The following CSMD1 variants were observed in gnomAD, a reference collection of about 807,000 sequenced individuals.
CSMD1 encodes the protein CUB and Sushi multiple domains 1, also known as CUB and sushi domain-containing protein 1.
CSMD1 carries 213 observed loss-of-function variants against 417.5 expected under a neutral mutation model. That is an observed-to-expected ratio of 0.51 (90% confidence interval 0.46 to 0.57). The LOEUF is 0.57. Among genes scored for constraint, CSMD1 ranks in the 20% least tolerant of loss-of-function variants. The probability of loss-of-function intolerance (pLI) is 0.00; values close to 1 mark genes in which losing one functional copy is unlikely to be tolerated. For synonymous variants in CSMD1, 2,862 were observed against 1,736.8 expected (o/e 1.65, Z -16.11); for missense variants, 6,923 against 4,529.7 (o/e 1.53, Z -15.17).
intron 3 of CSMD1, among the ~76,000 whole-genome samples, chr8:4,036,959 GTGTGTGT>G (rs1563347437): frequency 0.011 from 106 of 9,814 alleles, no homozygotes; most frequent in East Asian, 0.017. Flanking sequence ...AGTGTGGGGT[GTGTGTGT>G]GTGTGTGTGT....
At position 3,922,438 on chromosome 8, in the gene CSMD1, T is replaced by C. The variant is rs116368031; in HGVS notation, c.818+75465A>G. Reference sequence around the variant, plus strand: ...TTATTAAACTTCTTGGACTGTTTCATCATTAATATATTCTGTTCTGTTTCT... The same window carrying C: ...TTATTAAACTTCTTGGACTGTTTCACCATTAATATATTCTGTTCTGTTTCT... On this transcript the variant is annotated intron_variant, in intron 5 of 69. Transcript: ENST00000635120. 3.8e-3 allele frequency among the ~76,000 whole-genome samples: 579 copies of C among 152,246 alleles called. 4 individuals are homozygous for C. Among genetic ancestry groups the C allele is most frequent in the African/African-American group, 0.013 (537 of 41,588 alleles).
chr8:3,970,923 G>A (rs1000977553), intron 5 of CSMD1, among the ~76,000 whole-genome samples: 9 of 151,998 alleles, frequency 5.9e-5, no homozygotes, highest in African/African-American at 2.2e-4. Context: ...CGCTAATTTT[G>A]TATTTTTAGT....
chr8:4,125,419 C>T (rs1647332), intron 3 of CSMD1, among the ~76,000 whole-genome samples: 150,712 of 152,318 alleles, frequency 0.99, 74,585 homozygotes, highest in East Asian at 1. Flanking sequence ...GAAACCAATG[C>T]ACATCTTTCA....
At chr8:3,999,416 G>A (rs200552012) in intron 4 of CSMD1, among the ~76,000 whole-genome samples, 2 of 152,118 alleles carry the variant, frequency 1.3e-5, no homozygotes, top group Non-Finnish European at 2.9e-5. Flanking sequence ...TTCCCAAGTT[G>A]CAAGTTCCAA....
At chr8:4,688,023 T>A (rs1176651542) in intron 1 of CSMD1, among the ~76,000 whole-genome samples, 1 of 152,200 alleles carries the variant, frequency 6.6e-6, no homozygotes, top group Non-Finnish European at 1.5e-5. Context: ...ACCTACACTG[T>A]TCCATTTTTA....
chr8:4,642,371 C>T (rs1803247140), intron 1 of CSMD1, among the ~76,000 whole-genome samples: 1 of 152,194 alleles, frequency 6.6e-6, no homozygotes, highest in African/African-American at 2.4e-5. Context: ...GAACTAACCC[C>T]TCCACTCTGA....
At chr8:4,771,560 C>T (rs939402696) in intron 1 of CSMD1, among the ~76,000 whole-genome samples, 7 of 152,152 alleles carry the variant, frequency 4.6e-5, no homozygotes, top group African/African-American at 1.2e-4. Context: ...CTCTAAGGAA[C>T]GAAATCCTGA....
At position 2,938,658 on chromosome 8, in the gene CSMD1, G is replaced by C; in HGVS notation, c.10622C>G (p.Thr3541Arg). 1 of 1,611,596 alleles carries C rather than the reference G, an allele frequency of 6.2e-7. No individual in the cohort carries two copies. Among genetic ancestry groups the C allele is most frequent in the Non-Finnish European group, 8.5e-7 (1 of 1,178,838 alleles). Reference sequence around the variant, plus strand: ...CTTGGCTTCTGTGGGTTTTAAGTTTGTATCATACATGGGGTTTTCAAACGA... The same window carrying C: ...CTTGGCTTCTGTGGGTTTTAAGTTTCTATCATACATGGGGTTTTCAAACGA... ...QASFENPMYD[T>R]NLKPTEAKAV... is the part of the protein sequence containing the mutation. Residue 3541 changes from threonine (T) to arginine (R), a missense_variant, in exon 70 of 70, where the codon ACA becomes AGA. Thr to Arg is a moderately conservative substitution (Grantham distance 71). Coordinates refer to ENST00000635120, the MANE Select transcript of CSMD1 (RefSeq NM_033225.6).
At chr8:3,296,565 A>AT (rs1406364556) in intron 25 of CSMD1, among the ~76,000 whole-genome samples, 1 of 152,148 alleles carries the variant, frequency 6.6e-6, no homozygotes, top group East Asian at 1.9e-4. Context: ...TGTTGACAAC[A>AT]TGCCATGGAG....
At chr8:3,810,719 T>C (rs992421149) in intron 5 of CSMD1, among the ~76,000 whole-genome samples, 1 of 152,192 alleles carries the variant, frequency 6.6e-6, no homozygotes, top group Admixed American at 6.5e-5. Flanking sequence ...AAACATTGAA[T>C]TTGTTATGAA....
chr8:3,784,954 GAATTT>G (rs1473701194), intron 5 of CSMD1, among the ~76,000 whole-genome samples: 1 of 152,146 alleles, frequency 6.6e-6, no homozygotes, highest in Non-Finnish European at 1.5e-5. Context: ...TACTGCTGTA[GAATTT>G]AATTTTATCA....
At chr8:4,091,938 G>A (rs558027055) in intron 3 of CSMD1, among the ~76,000 whole-genome samples, 36 of 152,276 alleles carry the variant, frequency 2.4e-4, no homozygotes, top group African/African-American at 8.7e-4. Flanking sequence ...ATTTAAAAAT[G>A]TCATTGAGGA....
Position 4,425,026 on chromosome 8 carries a change from G to C in CSMD1, c.303-4961C>G, listed in dbSNP as rs149266282. Among the ~76,000 whole-genome samples the C allele has an allele frequency of 5.6e-3, 857 of 152,068 alleles. 4 individuals carry two copies. Among genetic ancestry groups the C allele is most frequent in the African/African-American group, 0.019 (796 of 41,510 alleles). On this transcript the variant is annotated intron_variant, in intron 2 of 69. Transcript: ENST00000635120. ...AATAACAAAACATTAAATTCTAAAA[G>C]TAAGTTGAACAAAAACTATTGAGGA...
intron 6 of CSMD1, among the ~76,000 whole-genome samples, chr8:3,752,726 T>C (rs1408572658): frequency 1.3e-5 from 2 of 148,438 alleles, no homozygotes; most frequent in Non-Finnish European, 3.0e-5. Context: ...GAAACGAATT[T>C]GCCCCTGGAT....
intron 31 of CSMD1, among the ~76,000 whole-genome samples, chr8:3,204,015 G>C (rs576943258): frequency 1.3e-5 from 2 of 152,306 alleles, no homozygotes; most frequent in Admixed American, 1.3e-4. Flanking sequence ...AATACTGTGA[G>C]ATTAATTGTT....
chr8:3,763,023 G>C (rs770619866), intron 5 of CSMD1, among the ~76,000 whole-genome samples: 1 of 152,152 alleles, frequency 6.6e-6, no homozygotes, highest in Non-Finnish European at 1.5e-5. Context: ...GATTTGTATA[G>C]TTATTTGCTT....
At chr8:4,847,794 T>G (rs1801230526) in intron 1 of CSMD1, among the ~76,000 whole-genome samples, 1 of 143,118 alleles carries the variant, frequency 7.0e-6, no homozygotes, top group Non-Finnish European at 1.6e-5. Flanking sequence ...TTTTTTTTTT[T>G]GACGGCTTGA....
intron 47 of CSMD1, among the ~76,000 whole-genome samples, chr8:3,095,312 G>C (rs887556447): frequency 2.6e-5 from 4 of 152,014 alleles, no homozygotes; most frequent in Non-Finnish European, 4.4e-5. Context: ...ATACCTAATA[G>C]GCCTCAAATA....
chr8:3,248,064 A>C (rs888997545), intron 26 of CSMD1, among the ~76,000 whole-genome samples: 2 of 152,194 alleles, frequency 1.3e-5, no homozygotes, highest in Non-Finnish European at 2.9e-5. Context: ...AAAGTGGCTC[A>C]TGTCTGTAAT....
Sources: allele counts gnomAD v4.1 joint callset (sites outside exome capture counted in the v4.1 genomes callset), GRCh38; gene constraint gnomAD v4.1.1; transcripts MANE v1.5; gene names NCBI Gene and HGNC (gene_info 2026-07-23, HGNC 2026-07-21).